Variants in FAM13B observed in about 807,000 individuals in gnomAD.
The protein encoded by FAM13B is protein FAM13B.
Under a neutral mutation model 117.3 loss-of-function variants are expected in FAM13B, and 60 were observed. The ratio of observed to expected loss-of-function variants is 0.51; its 90% CI spans 0.42 to 0.63. FAM13B has a LOEUF of 0.63. Ranked by LOEUF, FAM13B falls within the 30% of genes least tolerant of loss-of-function variation. The probability of loss-of-function intolerance (pLI) is 0.00; values close to 1 mark genes in which losing one functional copy is unlikely to be tolerated. For missense variants in FAM13B, 972 were observed against 1,091.9 expected, an observed-to-expected ratio of 0.89 and a Z score of 1.55; for synonymous variants, 332 against 356.1, an observed-to-expected ratio of 0.93 and a Z score of 0.76.
At chr5:138,021,585 T>C (rs910077655) in intron 1 of FAM13B, among the ~76,000 whole-genome samples, 6 of 152,168 alleles carry the variant, frequency 3.9e-5, no homozygotes, top group Non-Finnish European at 5.9e-5. Flanking sequence ...GATCAAAGAA[T>C]CAAAGATATG....
chr5:138,051,726 C>T (rs2151135042), intron 1 of FAM13B, among the ~76,000 whole-genome samples: 1 of 152,262 alleles, frequency 6.6e-6, no homozygotes, highest in African/African-American at 2.4e-5. Flanking sequence ...TAAAACAACC[C>T]ATTTTGCAGA....
intron 10 of FAM13B, among the ~76,000 whole-genome samples, chr5:137,969,750 C>A (rs1246544290): frequency 2.0e-5 from 3 of 151,894 alleles, no homozygotes; most frequent in Non-Finnish European, 4.4e-5. Context: ...ATAACCAATA[C>A]AGAGAAGTGC....
In FAM13B at chr5:138,047,577, G is replaced by A. The variant is rs556459004; in HGVS notation, c.-203+4301C>T. ...GAATATGTTACGGCACATAACAAAT[G>A]GGAATAAAGGTTATAGGCAGAATTA... On this transcript the variant is annotated intron_variant, in intron 1 of 3. Coordinates refer to the FAM13B transcript ENST00000502471. Among the ~76,000 whole-genome samples, 4 of 152,278 alleles carry A rather than the reference G, an allele frequency of 2.6e-5. No homozygotes were observed. In the South Asian group the frequency reaches 8.3e-4, roughly 32 times the overall value.
chr5:137,946,342 C>CAAAAAAAAAAAAAAAAAAACAAAA, intron 18 of FAM13B, 31 bp from the exon 19 acceptor site: 1 of 919,180 alleles, frequency 1.1e-6, no homozygotes, highest in Non-Finnish European at 1.5e-6. Flanking sequence ...TAACAAAATA[C>CAAAAAAAAAAAAAAAAAAACAAAA]AAAAAAAAAA....
intron 18 of FAM13B, 111 bp downstream of exon 18, chr5:137,948,844 A>C: frequency 1.4e-6 from 1 of 736,464 alleles, no homozygotes; most frequent in Non-Finnish European, 2.3e-6. Context: ...AAAGATGGGG[A>C]GCAGATTCAG....
In FAM13B at chr5:138,019,125, C is replaced by A; in HGVS notation, c.-14G>T. Reference sequence around the variant, plus strand: ...GCTCTTCCTCATATCTTTTTTGCAGCCAGAAATCAAAGCTGTCTTTTCTGC... The same window carrying A: ...GCTCTTCCTCATATCTTTTTTGCAGACAGAAATCAAAGCTGTCTTTTCTGC... On this transcript the variant is annotated 5_prime_UTR_variant, in exon 3 of 24. Transcript: ENST00000689681. The A allele has an allele frequency of 6.2e-7, 1 of 1,606,222 alleles. No homozygotes were observed. Among genetic ancestry groups the A allele is most frequent in the Non-Finnish European group, 8.5e-7 (1 of 1,176,786 alleles).
intron 10 of FAM13B, among the ~76,000 whole-genome samples, chr5:137,981,269 G>T (rs1028331938): frequency 5.3e-5 from 8 of 151,632 alleles, no homozygotes; most frequent in African/African-American, 1.9e-4. Context: ...GTGGGAGACA[G>T]ACAATAAACA....
intron 3 of FAM13B, among the ~76,000 whole-genome samples, 161 bp downstream of exon 3, chr5:138,018,794 A>G (rs899868350): frequency 2.6e-5 from 4 of 152,172 alleles, no homozygotes; most frequent in Non-Finnish European, 5.9e-5. Flanking sequence ...AAGTATATGA[A>G]TTTAAGTAAA....
chr5:137,991,925 T>C (rs1245747722), intron 7 of FAM13B, among the ~76,000 whole-genome samples: 3 of 152,112 alleles, frequency 2.0e-5, no homozygotes, highest in African/African-American at 7.2e-5. Context: ...TGATTAAAAT[T>C]AGCAACTTTT....
chr5:137,972,161 A>C (rs1192698611), intron 10 of FAM13B, among the ~76,000 whole-genome samples: 2 of 150,838 alleles, frequency 1.3e-5, no homozygotes, highest in African/African-American at 4.9e-5. Flanking sequence ...CACAACCAAA[A>C]AAGAGAATTT....
intron 16 of FAM13B, 117 bp from the exon 17 acceptor site, chr5:137,952,826 C>A: frequency 1.6e-6 from 1 of 633,560 alleles, no homozygotes; most frequent in Non-Finnish European, 2.7e-6. Context: ...CTCATTTCAT[C>A]TTATTTTAAT....
At chr5:137,985,708 T>C (rs947507551) in intron 9 of FAM13B, among the ~76,000 whole-genome samples, 2 of 152,182 alleles carry the variant, frequency 1.3e-5, no homozygotes, top group African/African-American at 4.8e-5. Context: ...TAATGACACA[T>C]CTGTCCTGAT....
At chr5:138,016,566 C>A (rs1785316605) in intron 4 of FAM13B, among the ~76,000 whole-genome samples, 1 of 152,088 alleles carries the variant, frequency 6.6e-6, no homozygotes. Context: ...CCCTGGAGAT[C>A]AAGACTGTAG....
intron 10 of FAM13B, among the ~76,000 whole-genome samples, chr5:137,963,416 A>G (rs1768740366): frequency 6.6e-6 from 1 of 152,278 alleles, no homozygotes; most frequent in Non-Finnish European, 1.5e-5. Context: ...GGAAAAGAGC[A>G]ACCTTACTTA....
rs1783876764 is a variant in FAM13B, at chr5:138,011,046, C to A, written c.652G>T (p.Asp218Tyr). The A allele has an allele frequency of 6.2e-7, 1 of 1,601,138 alleles. No individual in the cohort carries two copies. Among genetic ancestry groups the A allele is most frequent in the East Asian group, 2.3e-5 (1 of 43,936 alleles). The change falls in exon 6 of 24, where the codon GAT becomes TAT. Residue 218 changes from aspartate to tyrosine, a missense_variant. By Grantham distance (160) the Asp-to-Tyr change is radical. Transcript: ENST00000689681. Reference sequence around the variant, plus strand: ...GAACTCAAATCATTAGATGAAAAATCTTCCTCTTCATTCTCAAAAAACTCA... The same window carrying A: ...GAACTCAAATCATTAGATGAAAAATATTCCTCTTCATTCTCAAAAAACTCA... Reference protein sequence around the residue: ...YYEFFENEEEDFSSNDLSSIT... With the variant: ...YYEFFENEEEYFSSNDLSSIT...
intron 7 of FAM13B, among the ~76,000 whole-genome samples, chr5:138,000,461 T>C (rs756606446): frequency 1.3e-5 from 2 of 152,242 alleles, no homozygotes; most frequent in Admixed American, 6.5e-5. Flanking sequence ...TAAACACCAA[T>C]AGATATAACA....
At chr5:138,046,388 AAG>A (rs1791641668) in intron 1 of FAM13B, among the ~76,000 whole-genome samples, 1 of 152,228 alleles carries the variant, frequency 6.6e-6, no homozygotes, top group African/African-American at 2.4e-5. Flanking sequence ...TATCTCTAAG[AAG>A]AGAGAGGTGG....
intron 10 of FAM13B, among the ~76,000 whole-genome samples, chr5:137,964,341 C>A (rs906114167): frequency 2.0e-5 from 3 of 151,690 alleles, no homozygotes; most frequent in Non-Finnish European, 4.4e-5. Flanking sequence ...GAACTCCTGA[C>A]CTCAAGTGAT....
At chr5:137,972,088 G>A (rs1297253083) in intron 10 of FAM13B, among the ~76,000 whole-genome samples, 1 of 150,212 alleles carries the variant, frequency 6.7e-6, no homozygotes, top group African/African-American at 2.4e-5. Context: ...CAGAAAAAGA[G>A]GGAATCCTCC....
Sources: gnomAD v4.1 joint callset for allele counts (sites outside exome capture counted in the v4.1 genomes callset) on GRCh38, gnomAD v4.1.1 for gene constraint, MANE v1.5 for transcripts, NCBI Gene and HGNC (gene_info 2026-07-23, HGNC 2026-07-21) for gene names.